HS6ST3: variants seen among roughly 807,000 people sequenced by gnomAD.
HS6ST3 encodes the protein heparan sulfate 6-O-sulfotransferase 3.
HS6ST3 carries 12 observed loss-of-function variants against 36.7 expected under a neutral mutation model. The ratio of observed to expected loss-of-function variants is 0.33; its 90% CI spans 0.21 to 0.53. The LOEUF is 0.53. Among genes scored for constraint, HS6ST3 ranks in the 20% least tolerant of loss-of-function variants. The probability of loss-of-function intolerance (pLI) is 0.95; values close to 1 mark genes in which losing one functional copy is unlikely to be tolerated. For synonymous variants in HS6ST3, 240 were observed against 257.5 expected, an observed-to-expected ratio of 0.93 and a Z score of 0.65; for missense variants, 584 against 640.9, an observed-to-expected ratio of 0.91 and a Z score of 0.96.
chr13:96,488,804 T>A (rs957399703), intron 1 of HS6ST3, among the ~76,000 whole-genome samples: 1 of 152,138 alleles, frequency 6.6e-6, no homozygotes, highest in Non-Finnish European at 1.5e-5. Flanking sequence ...TACTTCATTG[T>A]TCCATTCCAT....
intron 1 of HS6ST3, among the ~76,000 whole-genome samples, chr13:96,817,494 GA>G (rs1878446376): frequency 6.6e-6 from 1 of 152,176 alleles, no homozygotes; most frequent in South Asian, 2.1e-4. Flanking sequence ...TTAATTACTA[GA>G]AAAATAGTTC....
At chr13:96,664,741 C>A (rs2056657851) in intron 1 of HS6ST3, among the ~76,000 whole-genome samples, 1 of 152,200 alleles carries the variant, frequency 6.6e-6, no homozygotes, top group African/African-American at 2.4e-5. Flanking sequence ...TCTTCCTTTT[C>A]TTGGGCAGTT....
intron 1 of HS6ST3, among the ~76,000 whole-genome samples, chr13:96,325,713 T>G (rs551690942): frequency 1.5e-3 from 228 of 152,264 alleles, no homozygotes; most frequent in Middle Eastern, 6.8e-3. Flanking sequence ...CATTTAACAT[T>G]AATGACTGGG....
chr13:96,336,470 A>G (rs1251462895), intron 1 of HS6ST3, among the ~76,000 whole-genome samples: 1 of 152,240 alleles, frequency 6.6e-6, no homozygotes, highest in Non-Finnish European at 1.5e-5. Context: ...TAATTAAGTT[A>G]AGATGAGGCC....
intron 1 of HS6ST3, among the ~76,000 whole-genome samples, chr13:96,164,581 T>A (rs1308244794): frequency 6.6e-6 from 1 of 151,920 alleles, no homozygotes; most frequent in Non-Finnish European, 1.5e-5. Flanking sequence ...GATTATCAAC[T>A]TTTACATTTA....
chr13:96,643,593 A>G (rs930778197), intron 1 of HS6ST3, among the ~76,000 whole-genome samples: 1 of 151,826 alleles, frequency 6.6e-6, no homozygotes, highest in East Asian at 1.9e-4. Context: ...GGCTTTTTAA[A>G]GCCTTTTTGT....
chr13:96,349,132 C>CTG (rs2055169630), intron 1 of HS6ST3, among the ~76,000 whole-genome samples: 1 of 152,156 alleles, frequency 6.6e-6, no homozygotes, highest in Non-Finnish European at 1.5e-5. Flanking sequence ...ATGTTTGACT[C>CTG]TAATTCTTTT....
chr13:96,617,289 C>T (rs887283747), intron 1 of HS6ST3, among the ~76,000 whole-genome samples: 1 of 152,170 alleles, frequency 6.6e-6, no homozygotes, highest in Non-Finnish European at 1.5e-5. Flanking sequence ...TTGTCCCTTA[C>T]ATGGTAAATC....
intron 1 of HS6ST3, among the ~76,000 whole-genome samples, chr13:96,513,938 G>A (rs1433322625): frequency 1.4e-4 from 22 of 152,012 alleles, no homozygotes; most frequent in Admixed American, 1.4e-3. Flanking sequence ...TTCTAGAAGT[G>A]TGTGAGGAAG....
chr13:96,487,643 G>A (rs1252019136), intron 1 of HS6ST3, among the ~76,000 whole-genome samples: 1 of 151,978 alleles, frequency 6.6e-6, no homozygotes, highest in Non-Finnish European at 1.5e-5. Flanking sequence ...AAGGACAAAG[G>A]CCATGTTTGG....
rs144770822 is a variant in HS6ST3, at chr13:96,406,783, G to A, written c.707+315214G>A. 6.7e-3 allele frequency among the ~76,000 whole-genome samples: 1,018 copies of A among 152,214 alleles called. 7 individuals are homozygous for A. Among genetic ancestry groups the A allele is most frequent in the African/African-American group, 0.024 (977 of 41,544 alleles). On this transcript the variant is annotated intron_variant, in intron 1 of 1. Coordinates refer to ENST00000376705, the MANE Select transcript of HS6ST3 (RefSeq NM_153456.4). ...GATAGAGGTTTATATCAGGTATTTT[G>A]TCTTCTGTCAGAAGTTACTCTAAGG...
At chr13:96,243,639 T>G (rs1297336488) in intron 1 of HS6ST3, among the ~76,000 whole-genome samples, 3 of 152,144 alleles carry the variant, frequency 2.0e-5, no homozygotes, top group Non-Finnish European at 4.4e-5. Context: ...GGGGTGGGAC[T>G]GAGGTGGCTT....
At chr13:96,767,978 G>A (rs529952848) in intron 1 of HS6ST3, among the ~76,000 whole-genome samples, 3 of 152,252 alleles carry the variant, frequency 2.0e-5, no homozygotes, top group South Asian at 4.1e-4. Flanking sequence ...TTTGGAAGCC[G>A]TTATACTTTT....
chr13:96,607,036 A>C (rs2056441651), intron 1 of HS6ST3, among the ~76,000 whole-genome samples: 1 of 152,170 alleles, frequency 6.6e-6, no homozygotes, highest in Non-Finnish European at 1.5e-5. Flanking sequence ...AAAACAGAAC[A>C]AACACTAATA....
chr13:96,193,267 T>G (rs1309272142), intron 1 of HS6ST3, among the ~76,000 whole-genome samples: 1 of 152,202 alleles, frequency 6.6e-6, no homozygotes, highest in Non-Finnish European at 1.5e-5. Flanking sequence ...TGGAGTAGCA[T>G]CATCTTCTCA....
chr13:96,744,153 C>G (rs1191734124), intron 1 of HS6ST3, among the ~76,000 whole-genome samples: 1 of 151,880 alleles, frequency 6.6e-6, no homozygotes, highest in East Asian at 1.9e-4. Flanking sequence ...TACATTATTA[C>G]TGGAAAACAT....
intron 1 of HS6ST3, among the ~76,000 whole-genome samples, chr13:96,391,031 C>A (rs1477341026): frequency 6.6e-6 from 1 of 152,124 alleles, no homozygotes; most frequent in East Asian, 1.9e-4. Flanking sequence ...CAGCCTGATC[C>A]CTGATCCTTA....
intron 1 of HS6ST3, among the ~76,000 whole-genome samples, chr13:96,239,330 TTGTCTTA>T (rs1462713687): frequency 6.6e-6 from 1 of 152,220 alleles, no homozygotes; most frequent in African/African-American, 2.4e-5. Context: ...CCCTGAATGA[TTGTCTTA>T]TGCCTTAGAG....
intron 1 of HS6ST3, among the ~76,000 whole-genome samples, chr13:96,375,780 G>A (rs2055311758): frequency 6.6e-6 from 1 of 152,102 alleles, no homozygotes; most frequent in South Asian, 2.1e-4. Context: ...TATATCCATG[G>A]ACTTAAAAAG....
Sources: allele counts gnomAD v4.1 joint callset (sites outside exome capture counted in the v4.1 genomes callset), GRCh38; gene constraint gnomAD v4.1.1; transcripts MANE v1.5; gene names NCBI Gene and HGNC (gene_info 2026-07-23, HGNC 2026-07-21).